Variants in SLC31A1 observed in about 807,000 individuals in gnomAD.
SLC31A1 encodes solute carrier family 31 member 1, also known as high affinity copper uptake protein 1.
Under a neutral mutation model 17.2 loss-of-function variants are expected in SLC31A1, and 5 were observed. That is an observed-to-expected ratio of 0.29 (90% CI 0.15 to 0.61). The LOEUF (loss-of-function observed/expected upper bound fraction) is 0.61, where lower values mean the gene tolerates loss of function less well. Among genes scored for constraint, SLC31A1 ranks in the 20% least tolerant of loss-of-function variants. The pLI, the probability that SLC31A1 is intolerant of heterozygous loss-of-function variation, is 0.86. For missense variants in SLC31A1, 161 were observed against 241.4 expected (o/e 0.67, Z 2.21); for synonymous variants, 76 against 78.8 (o/e 0.96, Z 0.19).
intron 1 of SLC31A1, among the ~76,000 whole-genome samples, chr9:113,229,557 T>C (rs796947791): frequency 3.8e-4 from 58 of 151,674 alleles, no homozygotes; most frequent in African/African-American, 1.3e-3. Context: ...TCAATGAACA[T>C]TTAGGTTGTA....
At chr9:113,229,273 C>A (rs1259076534) in intron 1 of SLC31A1, among the ~76,000 whole-genome samples, 3 of 152,218 alleles carry the variant, frequency 2.0e-5, no homozygotes, top group African/African-American at 7.2e-5. Context: ...TTAGGGACCA[C>A]GGTCCTATTT....
chr9:113,260,342 T>C lies in SLC31A1; in HGVS notation c.442T>C (p.Phe148Leu). ...LHIIQVVISY[F>L]LMLIFMTYNG... ...CATCATCCAGGTGGTCATAAGCTAC[T>C]TCCTCATGCTCATCTTCATGACCTA... Residue 148 changes from phenylalanine (F) to leucine (L), a missense_variant, in exon 5 of 5, where the codon TTC (phenylalanine) becomes CTC (leucine). Transcript: ENST00000374212. The C allele has an allele frequency of 3.1e-6, 5 of 1,614,174 alleles. No individual in the cohort carries two copies. The Admixed American group carries it at 6.7e-5, about 22-fold the overall frequency.
At chr9:113,242,940 A>T (rs1831537274) in intron 1 of SLC31A1, among the ~76,000 whole-genome samples, 1 of 152,192 alleles carries the variant, frequency 6.6e-6, no homozygotes, top group Non-Finnish European at 1.5e-5. Context: ...TATTTTTCAC[A>T]AAACACATAT....
chr9:113,239,695 T>G (rs1208570320), intron 1 of SLC31A1, among the ~76,000 whole-genome samples: 1 of 152,226 alleles, frequency 6.6e-6, no homozygotes, highest in Non-Finnish European at 1.5e-5. Flanking sequence ...GTGATTCTTC[T>G]GCCTCAGCCT....
intron 1 of SLC31A1, among the ~76,000 whole-genome samples, chr9:113,240,580 A>T (rs1431087332): frequency 6.6e-6 from 1 of 152,172 alleles, no homozygotes; most frequent in Non-Finnish European, 1.5e-5. Context: ...TATAAATCAA[A>T]AAGATCAAGG....
chr9:113,240,861 C>T (rs1831513699), intron 1 of SLC31A1, among the ~76,000 whole-genome samples: 1 of 151,934 alleles, frequency 6.6e-6, no homozygotes. Flanking sequence ...ACCAGCCTGG[C>T]CAACATGGTG....
intron 1 of SLC31A1, among the ~76,000 whole-genome samples, chr9:113,231,563 CA>C (rs11308804): frequency 0.52 from 71,647 of 138,760 alleles, 17,268 homozygotes; most frequent in South Asian, 0.62. Flanking sequence ...GATCTTGTCT[CA>C]AAAAAAAAAA....
Position 113,230,398 on chromosome 9 carries a change from C to G in SLC31A1, c.-36+8720C>G, listed in dbSNP as rs552071960. The stretch of plus-strand genomic sequence containing the variant: ...TGGCCTCAGCCTATAGCTGAGACTA[C>G]AGGCATGCATCTCCACGCCTGGCTA... On this transcript the variant is annotated intron_variant, in intron 1 of 4. Coordinates refer to ENST00000374212, the MANE Select transcript of SLC31A1 (RefSeq NM_001859.4). Among the ~76,000 whole-genome samples the G allele has an allele frequency of 2.6e-5, 4 of 152,286 alleles. No homozygotes were observed. In the South Asian group the frequency reaches 8.3e-4, roughly 32 times the overall value.
intron 1 of SLC31A1, among the ~76,000 whole-genome samples, chr9:113,228,031 A>G (rs1335410680): frequency 1.3e-5 from 2 of 152,210 alleles, no homozygotes. Context: ...AGTATTTAAC[A>G]TATTTTATTT....
At chr9:113,235,041 G>C (rs1288602203) in intron 1 of SLC31A1, among the ~76,000 whole-genome samples, 1 of 152,076 alleles carries the variant, frequency 6.6e-6, no homozygotes, top group Non-Finnish European at 1.5e-5. Flanking sequence ...CACAATAAAA[G>C]AAATGAAAAG....
intron 1 of SLC31A1, among the ~76,000 whole-genome samples, chr9:113,241,512 A>G (rs1363614642): frequency 6.6e-6 from 1 of 152,226 alleles, no homozygotes; most frequent in Non-Finnish European, 1.5e-5. Context: ...AACAGTTATT[A>G]TAGAATTTGT....
Position 113,258,622 on chromosome 9 carries a change from A to C in SLC31A1, c.203-72A>C, listed in dbSNP as rs1831754454. ...TAGCATTTTTTCTATGTGTCTTTCT[A>C]GCTGGACAGCACATTGGCTAATGAT... On this transcript the variant is annotated intron_variant, in intron 3 of 4. Coordinates refer to ENST00000374212, the MANE Select transcript of SLC31A1 (RefSeq NM_001859.4). This position sits in a 1 kb window ranked among gnomAD's most constrained non-coding sequence, Gnocchi z 4.8. 2.0e-6 allele frequency: 3 copies of C among 1,527,860 alleles called. No individual in the cohort carries two copies. The Admixed American group carries it at 5.0e-5, about 25-fold the overall frequency. The allele number at this position is 1,527,860 out of a possible 1,614,324, so 94.6% of individuals were successfully genotyped here. A position where few individuals can be genotyped will look rare whatever the true frequency, so the allele number is the denominator to read the frequency against.
At position 113,258,749 on chromosome 9, in the gene SLC31A1, C is replaced by G. The variant is rs141861485; in HGVS notation, c.258C>G (p.Leu86=). Residue 86 remains leucine, a synonymous_variant, in exon 4 of 5, where the codon CTC becomes CTG. Transcript: ENST00000374212. The surrounding 1 kb of genome is among the most constrained non-coding windows in gnomAD (Gnocchi z 4.8). ...VFLLAMFYEG[L]KIARESLLRK... is the part of the protein sequence containing the mutation. The stretch of plus-strand genomic sequence containing the variant: ...TACTAGCAATGTTCTATGAAGGACT[C>G]AAGATAGCCCGAGAGAGCCTGCTGC... 17 of 1,614,058 alleles carry G rather than the reference C, an allele frequency of 1.1e-5. No homozygotes were observed. The African/African-American group carries it at 2.3e-4, about 22-fold the overall frequency.
chr9:113,229,037 C>T (rs10123415), intron 1 of SLC31A1, among the ~76,000 whole-genome samples: 4 of 151,944 alleles, frequency 2.6e-5, no homozygotes, highest in Non-Finnish European at 2.9e-5. Context: ...GTAGAGATGG[C>T]GTTTCTCCAT....
At chr9:113,222,886 TCACTGTGATTGCAG>T (rs1482887728) in intron 1 of SLC31A1, among the ~76,000 whole-genome samples, 3 of 152,204 alleles carry the variant, frequency 2.0e-5, no homozygotes, top group Non-Finnish European at 4.4e-5. Flanking sequence ...CCAACACCGG[TCACTGTGATTGCAG>T]CACTGAAACA....
intron 1 of SLC31A1, among the ~76,000 whole-genome samples, chr9:113,230,792 G>C (rs1473872522): frequency 6.6e-6 from 1 of 152,004 alleles, no homozygotes; most frequent in Admixed American, 6.6e-5. Context: ...GGGAAGCTAG[G>C]GACCATAAAG....
chr9:113,225,991 A>C (rs1277220025), intron 1 of SLC31A1, among the ~76,000 whole-genome samples: 3 of 151,708 alleles, frequency 2.0e-5, no homozygotes, highest in Admixed American at 6.6e-5. Context: ...AAAATTAGTC[A>C]GGCATGGTGG....
intron 1 of SLC31A1, among the ~76,000 whole-genome samples, chr9:113,232,600 G>A (rs1831412693): frequency 6.6e-6 from 1 of 151,726 alleles, no homozygotes. Context: ...GGGAGGCTAA[G>A]GCGTGTGGAT....
chr9:113,241,240 T>A (rs1018917701), intron 1 of SLC31A1, among the ~76,000 whole-genome samples: 11 of 152,158 alleles, frequency 7.2e-5, no homozygotes, highest in Non-Finnish European at 1.2e-4. Flanking sequence ...CTTAGGTTTC[T>A]TTTTGCAGGC....
Sources: allele counts gnomAD v4.1 joint callset (sites outside exome capture counted in the v4.1 genomes callset), GRCh38; gene constraint gnomAD v4.1.1; non-coding constraint Gnocchi (gnomAD v3.1); transcripts MANE v1.5; gene names NCBI Gene and HGNC (gene_info 2026-07-23, HGNC 2026-07-21).